ARID4B: variants seen among roughly 807,000 people sequenced by gnomAD.
ARID4B encodes the protein AT-rich interactive domain-containing protein 4B.
ARID4B carries 26 observed loss-of-function variants against 147.5 expected under a neutral mutation model. That is an observed-to-expected ratio of 0.18 (90% CI 0.13 to 0.24). The LOEUF is 0.24. ARID4B is among the 10% of genes least tolerant of loss of function. The pLI is 1.00. For missense variants in ARID4B, 1,179 were observed against 1,511.5 expected, an observed-to-expected ratio of 0.78 and a Z score of 3.65; for synonymous variants, 512 against 507.9, an observed-to-expected ratio of 1.01 and a Z score of -0.11.
At chr1:235,216,828 A>G (rs2103015904) in intron 16 of ARID4B, among the ~76,000 whole-genome samples, 1 of 152,220 alleles carries the variant, frequency 6.6e-6, no homozygotes, top group African/African-American at 2.4e-5. Context: ...TGCCTAAGTC[A>G]TAAGACTCTA....
At chr1:235,267,512 T>TA (rs1361498784) in intron 2 of ARID4B, among the ~76,000 whole-genome samples, 3 of 151,660 alleles carry the variant, frequency 2.0e-5, no homozygotes, top group South Asian at 2.1e-4. Context: ...GGAGGGAATA[T>TA]AAAAAAAATG....
intron 17 of ARID4B, 34 bp from the exon 18 acceptor site, chr1:235,196,149 A>C: frequency 9.1e-7 from 1 of 1,103,738 alleles, no homozygotes; most frequent in Non-Finnish European, 1.3e-6. Flanking sequence ...AAATATGTAC[A>C]ATATATACCA....
At chr1:235,176,944 G>A (rs1335432572) in intron 21 of ARID4B, 2 of 471,058 alleles carry the variant, frequency 4.2e-6, no homozygotes, top group South Asian at 1.5e-5. Context: ...TTCTTACTTT[G>A]TCTACAAAAG....
intron 2 of ARID4B, among the ~76,000 whole-genome samples, chr1:235,290,213 C>A (rs949867618): frequency 6.6e-6 from 1 of 151,918 alleles, no homozygotes; most frequent in Non-Finnish European, 1.5e-5. Context: ...AAAATGCAGG[C>A]CGGGCAGATC....
At chr1:235,197,113 T>C (rs1200278563) in intron 17 of ARID4B, among the ~76,000 whole-genome samples, 1 of 152,058 alleles carries the variant, frequency 6.6e-6, no homozygotes, top group Admixed American at 6.6e-5. Context: ...ATAAAACTAT[T>C]TGTTTAAAGC....
At chr1:235,205,868 A>G (rs181694158) in intron 17 of ARID4B, among the ~76,000 whole-genome samples, 12 of 152,332 alleles carry the variant, frequency 7.9e-5, no homozygotes, top group African/African-American at 2.9e-4. Flanking sequence ...ACAAGTGTTG[A>G]CAAGGCTGCA....
intron 17 of ARID4B, among the ~76,000 whole-genome samples, chr1:235,196,564 G>C (rs10489690): frequency 2.6e-5 from 4 of 151,970 alleles, no homozygotes; most frequent in Non-Finnish European, 5.9e-5. Context: ...GAAAAGCACC[G>C]TATTACAGCC....
chr1:235,289,711 A>C (rs1672206403), intron 2 of ARID4B, among the ~76,000 whole-genome samples: 1 of 147,134 alleles, frequency 6.8e-6, no homozygotes, highest in Admixed American at 7.0e-5. Flanking sequence ...GGGGACAGGA[A>C]GGAGATTCTG....
At chr1:235,171,033 C>G (rs1199363518) in intron 23 of ARID4B, among the ~76,000 whole-genome samples, 1 of 147,136 alleles carries the variant, frequency 6.8e-6, no homozygotes, top group East Asian at 1.9e-4. Context: ...AGATCCTTTT[C>G]TTTTCAAAGT....
At position 235,326,035 on chromosome 1, in the gene ARID4B, C is replaced by A. The variant is rs77860656; in HGVS notation, c.6+879G>T. 6.5e-3 allele frequency among the ~76,000 whole-genome samples: 985 copies of A among 152,172 alleles called. 16 individuals carry two copies. Among genetic ancestry groups the A allele is most frequent in the African/African-American group, 0.023 (937 of 41,494 alleles). ...CATTTCTACACTTGTGAACACTCTA[C>A]CCTTTTCAAGCACTTCTGAATTTGT... On this transcript the variant is annotated intron_variant, in intron 2 of 23. Coordinates refer to ENST00000264183, the MANE Select transcript of ARID4B (RefSeq NM_016374.6).
intron 22 of ARID4B, among the ~76,000 whole-genome samples, chr1:235,174,446 T>C (rs7339935): frequency 0.48 from 73,271 of 152,046 alleles, 18,034 homozygotes; most frequent in South Asian, 0.6. Flanking sequence ...CTATACATTG[T>C]ACATTAGTAC....
chr1:235,238,227 G>T (rs1042046336), intron 8 of ARID4B, among the ~76,000 whole-genome samples: 3 of 151,712 alleles, frequency 2.0e-5, no homozygotes, highest in African/African-American at 7.3e-5. Flanking sequence ...ACCACTAAAT[G>T]AGTCTATCTT....
chr1:235,323,040 C>CTT (rs779535005), intron 2 of ARID4B, among the ~76,000 whole-genome samples: 15 of 139,264 alleles, frequency 1.1e-4, no homozygotes, highest in South Asian at 9.1e-4. Flanking sequence ...ATATAACCAC[C>CTT]TTTTTTTTTT....
intron 2 of ARID4B, among the ~76,000 whole-genome samples, chr1:235,314,925 G>T (rs144919271): frequency 6.6e-6 from 1 of 152,198 alleles, no homozygotes; most frequent in East Asian, 1.9e-4. Context: ...AAAATATGAT[G>T]TTCAATGAAA....
At chr1:235,302,366 G>A (rs1418999388) in intron 2 of ARID4B, among the ~76,000 whole-genome samples, 1 of 150,392 alleles carries the variant, frequency 6.6e-6, no homozygotes, top group Non-Finnish European at 1.5e-5. Context: ...AAGGAGTGGG[G>A]ACAGAAAGAC....
intron 2 of ARID4B, among the ~76,000 whole-genome samples, chr1:235,272,146 T>A (rs1671033816): frequency 6.6e-6 from 1 of 152,286 alleles, no homozygotes; most frequent in South Asian, 2.1e-4. Flanking sequence ...AAACACTAAG[T>A]CACAAAATTC....
intron 2 of ARID4B, among the ~76,000 whole-genome samples, chr1:235,266,666 A>C (rs563365536): frequency 6.6e-6 from 1 of 152,372 alleles, no homozygotes; most frequent in South Asian, 2.1e-4. Context: ...TAATCCTTCA[A>C]GATGCCAAAA....
At chr1:235,208,182 T>C (rs1287389733) in intron 17 of ARID4B, among the ~76,000 whole-genome samples, 2 of 152,272 alleles carry the variant, frequency 1.3e-5, no homozygotes, top group African/African-American at 4.8e-5. Context: ...CCAATTAGTC[T>C]AGATAGTTTC....
intron 7 of ARID4B, among the ~76,000 whole-genome samples, chr1:235,245,415 AT>A (rs938940618): frequency 1.3e-5 from 2 of 152,194 alleles, no homozygotes; most frequent in African/African-American, 4.8e-5. Flanking sequence ...CAATAAATTC[AT>A]TTTTAAATTT....
Sources: allele counts gnomAD v4.1 joint callset (sites outside exome capture counted in the v4.1 genomes callset), GRCh38; gene constraint gnomAD v4.1.1; transcripts MANE v1.5; gene names NCBI Gene and HGNC (gene_info 2026-07-23, HGNC 2026-07-21).